Variants in ATP2B2 observed in about 807,000 individuals in gnomAD.
The protein encoded by ATP2B2 is plasma membrane calcium-transporting ATPase 2.
In ATP2B2, 15 loss-of-function variants were observed where a neutral mutation model predicts 120.0. The observed-to-expected ratio is 0.12, with a 90% CI of 0.08 to 0.19. ATP2B2 has a LOEUF of 0.19. Ranked by LOEUF, ATP2B2 falls within the 10% of genes least tolerant of loss-of-function variation. The pLI is 1.00. For synonymous variants in ATP2B2, 694 were observed against 700.3 expected, an observed-to-expected ratio of 0.99 and a Z score of 0.14; for missense variants, 1,045 against 1,719.8, an observed-to-expected ratio of 0.61 and a Z score of 6.94.
chr3:10,361,156 T>C (rs1409147352), intron 12 of ATP2B2, among the ~76,000 whole-genome samples: 1 of 152,218 alleles, frequency 6.6e-6, no homozygotes, highest in Non-Finnish European at 1.5e-5. Flanking sequence ...ATGAGTTCAA[T>C]TAGGTTGAAC....
intron 2 of ATP2B2, among the ~76,000 whole-genome samples, chr3:10,552,455 G>C (rs1174994423): frequency 2.6e-5 from 4 of 152,230 alleles, no homozygotes; most frequent in Non-Finnish European, 4.4e-5. Flanking sequence ...ATCCCATCTT[G>C]TGGGTGCTGC....
At chr3:10,603,002 C>G (rs2068965004) in intron 2 of ATP2B2, among the ~76,000 whole-genome samples, 1 of 152,230 alleles carries the variant, frequency 6.6e-6, no homozygotes, top group Non-Finnish European at 1.5e-5. Flanking sequence ...CCCCTCTGTT[C>G]TCTCAAGGCT....
chr3:10,556,370 C>G (rs959960167), intron 2 of ATP2B2, among the ~76,000 whole-genome samples: 1 of 152,232 alleles, frequency 6.6e-6, no homozygotes, highest in Non-Finnish European at 1.5e-5. Context: ...TCTGCTCCCT[C>G]GAGCTGTCTT....
chr3:10,444,003 C>T (rs957581796), intron 2 of ATP2B2, among the ~76,000 whole-genome samples: 10 of 152,208 alleles, frequency 6.6e-5, no homozygotes. Flanking sequence ...TTCCCCTCCA[C>T]CCCTGCATTT....
intron 1 of ATP2B2, among the ~76,000 whole-genome samples, chr3:10,637,922 G>C (rs1021198062): frequency 6.6e-6 from 1 of 151,894 alleles, no homozygotes; most frequent in Admixed American, 6.6e-5. Context: ...CATTGTAACA[G>C]AAGAACAAAG....
At chr3:10,700,266 C>G (rs1243721604) in intron 1 of ATP2B2, among the ~76,000 whole-genome samples, 1 of 152,100 alleles carries the variant, frequency 6.6e-6, no homozygotes, top group African/African-American at 2.4e-5. Context: ...ATCTCACTCT[C>G]TGTCCTAAGT....
In ATP2B2 at chr3:10,426,298, C is replaced by T. The variant is rs114555694; in HGVS notation, c.200-15483G>A. ...TTTTTCTTAATGCTTCATTCCCTTG[C>T]TGACTCTAAGCTCCATGAGAACACT... On this transcript the variant is annotated intron_variant, in intron 2 of 22. Transcript: ENST00000360273. 7.5e-3 allele frequency among the ~76,000 whole-genome samples: 1,148 copies of T among 152,254 alleles called. 23 individuals carry two copies. Among genetic ancestry groups the T allele is most frequent in the African/African-American group, 0.026 (1,063 of 41,532 alleles).
intron 1 of ATP2B2, among the ~76,000 whole-genome samples, chr3:10,661,528 A>G (rs564500905): frequency 2.3e-4 from 35 of 152,336 alleles, no homozygotes; most frequent in African/African-American, 7.9e-4. Flanking sequence ...AATACCTAGG[A>G]ATCCAACTTA....
chr3:10,350,684 G>T, intron 14 of ATP2B2, 107 bp from the exon 15 acceptor site: 1 of 1,209,266 alleles, frequency 8.3e-7, no homozygotes, highest in Non-Finnish European at 1.2e-6. Context: ...CTACTGAAAG[G>T]GGACTAGATG....
intron 3 of ATP2B2, among the ~76,000 whole-genome samples, chr3:10,517,583 T>A (rs1183798361): frequency 2.0e-5 from 3 of 152,212 alleles, no homozygotes; most frequent in Admixed American, 2.0e-4. Flanking sequence ...ATACTGCTAC[T>A]CAGCCACTAC....
chr3:10,643,412 A>G lies in ATP2B2; in HGVS notation c.-459-23451T>C, dbSNP rs566273038. ...ATCAATGAAGGCCAAGCCTAGGGGA[A>G]ACTTTGTGGAGAAGCAGCATTATTT... On this transcript the variant is annotated intron_variant, in intron 1 of 21. Transcript: ENST00000646379. Among the ~76,000 whole-genome samples the G allele has an allele frequency of 2.4e-4, 37 of 152,320 alleles. 1 individual carries two copies. The South Asian group carries it at 3.7e-3, about 15-fold the overall frequency.
chr3:10,584,788 G>A (rs1008967914), intron 2 of ATP2B2, among the ~76,000 whole-genome samples: 3 of 152,030 alleles, frequency 2.0e-5, no homozygotes, highest in African/African-American at 2.4e-5. Flanking sequence ...CTGCTTACTC[G>A]TGTCACTGTG....
intron 2 of ATP2B2, among the ~76,000 whole-genome samples, chr3:10,565,388 G>A (rs75324165): frequency 2.0e-4 from 31 of 152,154 alleles, no homozygotes; most frequent in Middle Eastern, 3.4e-3. Flanking sequence ...CCCATCTCTC[G>A]CGTGGGCTTA....
chr3:10,427,436 G>A (rs769976821), intron 2 of ATP2B2, among the ~76,000 whole-genome samples: 4 of 152,140 alleles, frequency 2.6e-5, no homozygotes, highest in Non-Finnish European at 5.9e-5. Flanking sequence ...GAGGCTCACT[G>A]CCTTCTGACC....
chr3:10,486,403 A>C (rs2065672179), intron 1 of ATP2B2, among the ~76,000 whole-genome samples: 1 of 151,004 alleles, frequency 6.6e-6, no homozygotes, highest in Admixed American at 6.6e-5. Context: ...ATCAGCCCCA[A>C]ATTCCACAGG....
At position 10,355,855 on chromosome 3, in the gene ATP2B2, C is replaced by T. The variant is rs571481292; in HGVS notation, c.2136+2836G>A. 3.5e-4 allele frequency among the ~76,000 whole-genome samples: 21 copies of T among 60,262 alleles called. 1 individual carries two copies. The highest frequency in any genetic ancestry group is 5.8e-4 in the Non-Finnish European group (17 of 29,494). The allele number at this position is 60,262 out of a possible 152,430, so 39.5% of individuals were successfully genotyped here. A position where few individuals can be genotyped will look rare whatever the true frequency, so the allele number is the denominator to read the frequency against. On this transcript the variant is annotated intron_variant, in intron 14 of 22. Transcript: ENST00000360273. ...TTGGGAGGCCGAGGCGGGCGGATCA[C>T]GAGGTCAGGAGATCGAGACCATCCT...
At chr3:10,352,148 T>C (rs2060596322) in intron 14 of ATP2B2, among the ~76,000 whole-genome samples, 1 of 152,210 alleles carries the variant, frequency 6.6e-6, no homozygotes, top group Non-Finnish European at 1.5e-5. Flanking sequence ...ATCCACCCCA[T>C]TCACAGCACC....
chr3:10,498,661 C>T (rs757567971), intron 1 of ATP2B2, among the ~76,000 whole-genome samples: 7 of 152,224 alleles, frequency 4.6e-5, no homozygotes, highest in Non-Finnish European at 1.0e-4. Flanking sequence ...ACAGGAAAGG[C>T]ACCACTTTAT....
At chr3:10,413,391 C>T (rs909015175) in intron 2 of ATP2B2, among the ~76,000 whole-genome samples, 1 of 152,250 alleles carries the variant, frequency 6.6e-6, no homozygotes, top group Admixed American at 6.5e-5. Flanking sequence ...CTCACGCCAG[C>T]CTGCTTGTTG....
Sources: allele counts gnomAD v4.1 joint callset (sites outside exome capture counted in the v4.1 genomes callset), GRCh38; gene constraint gnomAD v4.1.1; transcripts MANE v1.5; gene names NCBI Gene and HGNC (gene_info 2026-07-23, HGNC 2026-07-21).